Variants in ZNF519 observed in about 807,000 individuals in gnomAD.
The protein encoded by ZNF519 is similar to Zinc finger protein 85 (Zinc finger protein HPF4) (HTF1).
In ZNF519, 7 loss-of-function variants were observed where a neutral mutation model predicts 7.4. That is an observed-to-expected ratio of 0.94 (90% CI 0.54 to 1.77). ZNF519 has a LOEUF of 1.77. Among genes scored for constraint, ZNF519 ranks in the 40% most tolerant of loss-of-function variants. The probability of loss-of-function intolerance (pLI) is 0.00; values close to 1 mark genes in which losing one functional copy is unlikely to be tolerated. For missense variants in ZNF519, 586 were observed against 623.1 expected (o/e 0.94, Z 0.63); for synonymous variants, 179 against 203.3 (o/e 0.88, Z 1.02).
chr18:14,112,627 T>G (rs1022141227), intron 2 of ZNF519, among the ~76,000 whole-genome samples: 4 of 152,124 alleles, frequency 2.6e-5, no homozygotes, highest in African/African-American at 9.7e-5. Flanking sequence ...AGCATTTTTA[T>G]ATACCAACAG....
chr18:14,094,577 T>C lies in ZNF519; in HGVS notation c.131-9501A>G, dbSNP rs9955271. Among the ~76,000 whole-genome samples the C allele has an allele frequency of 7.7e-3, 1,174 of 152,360 alleles. 18 individuals are homozygous for C. Among genetic ancestry groups the C allele is most frequent in the African/African-American group, 0.026 (1,072 of 41,578 alleles). On this transcript the variant is annotated intron_variant and NMD_transcript_variant, in intron 2 of 4. Coordinates refer to the ZNF519 transcript ENST00000587419. ...TTCATTCTGCTGATGTGATGTATTA[T>C]GTTTATCAACTTGCATATGTAAAGC...
At chr18:14,073,195 T>A (rs1322236002), downstream of ZNF519, 1 of 152,134 alleles carries the variant, frequency 6.6e-6, no homozygotes, top group East Asian at 1.9e-4. Flanking sequence ...ACGTTAACTG[T>A]AACAAAAATA....
chr18:14,131,829 T>A (rs1371879711), intron 1 of ZNF519, among the ~76,000 whole-genome samples: 1 of 152,210 alleles, frequency 6.6e-6, no homozygotes, highest in African/African-American at 2.4e-5. Flanking sequence ...CAAGACCTTC[T>A]AGTAGCCCCC....
intron 2 of ZNF519, chr18:14,122,181 T>C (rs951248887): frequency 3.9e-5 from 6 of 152,298 alleles, no homozygotes; most frequent in South Asian, 2.1e-4. Context: ...TCTGCACATA[T>C]AGAGTTTAAA....
chr18:14,105,281 G>A lies in ZNF519; in HGVS notation c.1259C>T (p.Thr420Ile), dbSNP rs368200389. ...TCCAGTATGGATTCTCTGATGTTGA[G>A]TAAGGTGTGAAGCTCTGTTAAAAGC... ...GKAFNRASHL[T>I]QHQRIHTGEK... is the part of the protein sequence containing the mutation. The change falls in exon 3 of 3, where the codon ACT becomes ATT. Residue 420 changes from threonine to isoleucine, a missense_variant. Coordinates refer to ENST00000590202, the MANE Select transcript of ZNF519 (RefSeq NM_145287.4). The A allele has an allele frequency of 1.2e-6, 2 of 1,613,684 alleles. No individual in the cohort carries two copies. The highest frequency in any genetic ancestry group is 2.7e-5 in the African/African-American group (2 of 74,900).
chr18:14,100,929 T>G lies in ZNF519; in HGVS notation c.*3988A>C, dbSNP rs1476740963. 6.6e-6 allele frequency: 1 copy of G among 152,218 alleles called. No individual in the cohort carries two copies. Among genetic ancestry groups the G allele is most frequent in the Non-Finnish European group, 1.5e-5 (1 of 68,042 alleles). 9.4% of individuals were successfully genotyped at this position (152,218 alleles called of 1,614,324 possible). A position where few individuals can be genotyped will look rare whatever the true frequency, so the allele number is the denominator to read the frequency against. On this transcript the variant is annotated 3_prime_UTR_variant, in exon 3 of 3. Coordinates refer to ENST00000590202, the MANE Select transcript of ZNF519 (RefSeq NM_145287.4). ...TTTATAATATGAATAACCAATCTAT[T>G]CCCTCAGCAGTGCTTTCTACAAGGC...
intron 1 of ZNF519, among the ~76,000 whole-genome samples, chr18:14,126,376 T>C (rs1455601742): frequency 6.6e-6 from 1 of 152,240 alleles, no homozygotes; most frequent in African/African-American, 2.4e-5. Flanking sequence ...AGAGCAATTA[T>C]ATTAGAAGGT....
chr18:14,088,927 A>G (rs2046102669), intron 2 of ZNF519, among the ~76,000 whole-genome samples: 1 of 152,150 alleles, frequency 6.6e-6, no homozygotes, highest in Admixed American at 6.5e-5. Flanking sequence ...AATATTAGAT[A>G]CATTCTATAT....
chr18:14,129,720 A>C (rs370500189), intron 1 of ZNF519, among the ~76,000 whole-genome samples: 1 of 152,220 alleles, frequency 6.6e-6, no homozygotes. Context: ...CCACAAGTTC[A>C]GGCTAAGTCC....
chr18:14,108,833 G>A (rs1410817720), intron 2 of ZNF519, among the ~76,000 whole-genome samples: 1 of 152,150 alleles, frequency 6.6e-6, no homozygotes, highest in Non-Finnish European at 1.5e-5. Context: ...GCTCATGCTT[G>A]TAATCTCAGC....
At chr18:14,083,079 G>A (rs1302184070) in intron 3 of ZNF519, among the ~76,000 whole-genome samples, 1 of 152,240 alleles carries the variant, frequency 6.6e-6, no homozygotes, top group Admixed American at 6.5e-5. Flanking sequence ...GTCAGGTGCA[G>A]TGGCTCACGC....
At chr18:14,090,987 T>C (rs1180102424) in intron 2 of ZNF519, 4 of 152,226 alleles carry the variant, frequency 2.6e-5, no homozygotes, top group South Asian at 2.1e-4. Flanking sequence ...TATATGCAGT[T>C]TGTTAATAAA....
downstream of ZNF519, among the ~76,000 whole-genome samples, chr18:14,099,139 C>G (rs1249425894): frequency 6.6e-6 from 1 of 152,100 alleles, no homozygotes; most frequent in Non-Finnish European, 1.5e-5. Flanking sequence ...AGCCTCACCT[C>G]CCCTCTACTT....
rs77013549 is a variant in ZNF519 at position 14,087,516 on chromosome 18, T to C, written c.131-2440A>G. 1.2e-3 allele frequency among the ~76,000 whole-genome samples: 180 copies of C among 152,310 alleles called. 3 individuals carry two copies. The East Asian group carries it at 0.021, about 18-fold the overall frequency. Reference sequence around the variant, plus strand: ...CCATCTTACCTGAACTGTAACCCACTGTTTATGGGACTTGGGTGACAAAAT... The same window carrying C: ...CCATCTTACCTGAACTGTAACCCACCGTTTATGGGACTTGGGTGACAAAAT... On this transcript the variant is annotated intron_variant and NMD_transcript_variant, in intron 2 of 4. Coordinates refer to the ZNF519 transcript ENST00000587419.
intron 2 of ZNF519, among the ~76,000 whole-genome samples, chr18:14,110,721 T>G (rs958314350): frequency 1.3e-5 from 2 of 152,146 alleles, no homozygotes; most frequent in African/African-American, 4.8e-5. Flanking sequence ...ATGGGAACAC[T>G]TAACAAATAA....
chr18:14,110,212 T>C (rs2046213296), intron 2 of ZNF519, among the ~76,000 whole-genome samples: 1 of 152,052 alleles, frequency 6.6e-6, no homozygotes, highest in Non-Finnish European at 1.5e-5. Context: ...GGATCAAAGA[T>C]TTAAATCTAA....
chr18:14,105,087 C>G lies in ZNF519; in HGVS notation c.1453G>C (p.Glu485Gln). The G allele has an allele frequency of 6.2e-7, 1 of 1,611,770 alleles. No individual in the cohort carries two copies. Among genetic ancestry groups the G allele is most frequent in the Non-Finnish European group, 8.5e-7 (1 of 1,179,172 alleles). Residue 485 changes from glutamate to glutamine, a missense_variant, in exon 3 of 3, where the codon GAG (glutamate) becomes CAG (glutamine). Coordinates refer to ENST00000590202, the MANE Select transcript of ZNF519 (RefSeq NM_145287.4). ...LTQHQRVHTG[E>Q]KFFKCKECGK... Reference sequence around the variant, plus strand: ...CATTCTTTACATTTGAAGAATTTCTCTCCAGTATGGACTCTCTGATGTTGA... The same window carrying G: ...CATTCTTTACATTTGAAGAATTTCTGTCCAGTATGGACTCTCTGATGTTGA...
At chr18:14,088,632 T>G (rs1425878590) in intron 2 of ZNF519, among the ~76,000 whole-genome samples, 1 of 152,200 alleles carries the variant, frequency 6.6e-6, no homozygotes, top group Non-Finnish European at 1.5e-5. Context: ...AAAAGTTGTC[T>G]TAAATGAATA....
rs187222406 is a variant in ZNF519 at position 14,132,266 on chromosome 18, C to G, written c.3+9G>C. ...CCCAGTCTCGGTACGCCCTGCCCCC[C>G]ACACTCACCATTTCTCGGCTTCAGG... On this transcript the variant is annotated intron_variant, in intron 1 of 2. Transcript: ENST00000590202. The G allele has an allele frequency of 6.2e-6, 10 of 1,613,888 alleles. No homozygotes were observed. The highest frequency in any genetic ancestry group is 2.2e-5 in the East Asian group (1 of 44,880).
Sources: gnomAD v4.1 joint callset for allele counts (sites outside exome capture counted in the v4.1 genomes callset) on GRCh38, gnomAD v4.1.1 for gene constraint, MANE v1.5 for transcripts, NCBI Gene and HGNC (gene_info 2026-07-23, HGNC 2026-07-21) for gene names.